The following HS6ST3 variants were observed in gnomAD, a reference collection of about 807,000 sequenced individuals.
HS6ST3 encodes heparan-sulfate 6-O-sulfotransferase 3.
In HS6ST3, 12 loss-of-function variants were observed where a neutral mutation model predicts 36.7. The observed-to-expected ratio is 0.33, with a 90% CI of 0.21 to 0.53. The LOEUF is 0.53. HS6ST3 is among the 20% of genes least tolerant of loss of function. HS6ST3 has a pLI of 0.95. For synonymous variants in HS6ST3, 240 were observed against 257.5 expected, an observed-to-expected ratio of 0.93 and a Z score of 0.65; for missense variants, 584 against 640.9, an observed-to-expected ratio of 0.91 and a Z score of 0.96.
intron 1 of HS6ST3, among the ~76,000 whole-genome samples, chr13:96,494,412 G>C (rs1405576382): frequency 1.6e-5 from 2 of 123,062 alleles, no homozygotes; most frequent in African/African-American, 3.0e-5. Flanking sequence ...GGAGGGGGGA[G>C]GGATAGCATT....
intron 1 of HS6ST3, among the ~76,000 whole-genome samples, chr13:96,715,251 T>C (rs531280194): frequency 2.6e-4 from 39 of 152,186 alleles, no homozygotes; most frequent in African/African-American, 8.9e-4. Context: ...ATTTTATGGA[T>C]TTATGCCTAT....
In HS6ST3 at chr13:96,111,734, A is replaced by G. The variant is rs183951044; in HGVS notation, c.707+20165A>G. 9.1e-4 allele frequency among the ~76,000 whole-genome samples: 139 copies of G among 152,334 alleles called. 1 individual carries two copies. Among genetic ancestry groups the G allele is most frequent in the Middle Eastern group, 3.4e-3 (1 of 294 alleles). ...TCAGCAATAAGCAACTAGACAATAT[A>G]ATGAAAATATCTCATTCACTGTAGT... On this transcript the variant is annotated intron_variant, in intron 1 of 1. Transcript: ENST00000376705.
chr13:96,700,801 T>C (rs1410368789), intron 1 of HS6ST3, among the ~76,000 whole-genome samples: 1 of 152,178 alleles, frequency 6.6e-6, no homozygotes, highest in Non-Finnish European at 1.5e-5. Context: ...GCAAAATTGT[T>C]TCCTTCTGGC....
At chr13:96,416,425 C>T (rs987403437) in intron 1 of HS6ST3, among the ~76,000 whole-genome samples, 2 of 152,132 alleles carry the variant, frequency 1.3e-5, no homozygotes, top group Non-Finnish European at 2.9e-5. Flanking sequence ...TTTGCAATCA[C>T]TAAGCATAGG....
At position 96,680,503 on chromosome 13, in the gene HS6ST3, A is replaced by G. The variant is rs113597871; in HGVS notation, c.708-151987A>G. Among the ~76,000 whole-genome samples the G allele has an allele frequency of 4.9e-4, 75 of 152,250 alleles. 1 individual carries two copies. Among genetic ancestry groups the G allele is most frequent in the African/African-American group, 1.6e-3 (67 of 41,570 alleles). On this transcript the variant is annotated intron_variant, in intron 1 of 1. Transcript: ENST00000376705. ...CTGGAGGACCCTTTAGTGCACTCCA[A>G]TCGGGGGTTAGAGGGAAGAGGACAC...
intron 1 of HS6ST3, among the ~76,000 whole-genome samples, chr13:96,730,052 A>G (rs1876108777): frequency 6.6e-6 from 1 of 152,176 alleles, no homozygotes; most frequent in Non-Finnish European, 1.5e-5. Flanking sequence ...TCTTTTCTGT[A>G]TGCATAACCT....
At chr13:96,146,350 T>C (rs986009656) in intron 1 of HS6ST3, among the ~76,000 whole-genome samples, 2 of 152,084 alleles carry the variant, frequency 1.3e-5, no homozygotes, top group Admixed American at 6.5e-5. Flanking sequence ...GTTTGTAGTT[T>C]TCCTTGAAGA....
intron 1 of HS6ST3, among the ~76,000 whole-genome samples, chr13:96,603,912 T>C (rs1362733439): frequency 1.3e-5 from 2 of 152,216 alleles, no homozygotes; most frequent in Non-Finnish European, 2.9e-5. Flanking sequence ...GGCAAGGATC[T>C]ACTGAGGCTA....
intron 1 of HS6ST3, among the ~76,000 whole-genome samples, chr13:96,292,141 C>T (rs2054832860): frequency 6.6e-6 from 1 of 151,440 alleles, no homozygotes; most frequent in South Asian, 2.1e-4. Flanking sequence ...GAATGGTGTT[C>T]TATGTGAGTG....
At chr13:96,588,295 C>T (rs906273244) in intron 1 of HS6ST3, among the ~76,000 whole-genome samples, 2 of 151,654 alleles carry the variant, frequency 1.3e-5, no homozygotes, top group African/African-American at 2.4e-5. Flanking sequence ...GAGTGAGCAT[C>T]CTTGTCTTGC....
At chr13:96,101,190 G>A (rs1202726225) in intron 1 of HS6ST3, among the ~76,000 whole-genome samples, 1 of 152,126 alleles carries the variant, frequency 6.6e-6, no homozygotes, top group African/African-American at 2.4e-5. Context: ...TTGAAGTTAT[G>A]TAACAATATT....
chr13:96,318,532 CAAAAA>C (rs1555297729), intron 1 of HS6ST3, among the ~76,000 whole-genome samples: 1 of 89,030 alleles, frequency 1.1e-5, no homozygotes, highest in Admixed American at 1.2e-4. Flanking sequence ...GACTCCTTCT[CAAAAA>C]AACAAAACAA....
chr13:96,809,204 T>A (rs192766653), intron 1 of HS6ST3, among the ~76,000 whole-genome samples: 25 of 152,296 alleles, frequency 1.6e-4, no homozygotes, highest in Middle Eastern at 3.4e-3. Context: ...TTCTTTTTTT[T>A]AAAAGTGAAG....
chr13:96,792,438 T>C (rs945422572), intron 1 of HS6ST3, among the ~76,000 whole-genome samples: 1 of 151,944 alleles, frequency 6.6e-6, no homozygotes, highest in Non-Finnish European at 1.5e-5. Flanking sequence ...CACCATAGTC[T>C]TCAACTTCTC....
At chr13:96,133,391 G>A (rs1337733721) in intron 1 of HS6ST3, among the ~76,000 whole-genome samples, 1 of 151,950 alleles carries the variant, frequency 6.6e-6, no homozygotes, top group Non-Finnish European at 1.5e-5. Flanking sequence ...CTCCCAAAGT[G>A]CTGGAATTAC....
intron 1 of HS6ST3, among the ~76,000 whole-genome samples, chr13:96,470,761 G>A (rs1485836453): frequency 6.6e-6 from 1 of 152,020 alleles, no homozygotes; most frequent in African/African-American, 2.4e-5. Flanking sequence ...TTGCTCAGTT[G>A]CGAGGCCATT....
intron 1 of HS6ST3, among the ~76,000 whole-genome samples, chr13:96,240,828 T>C (rs1311056721): frequency 1.3e-5 from 2 of 152,256 alleles, no homozygotes; most frequent in Non-Finnish European, 2.9e-5. Context: ...AGTGTGGTTA[T>C]GCATTCCAGG....
intron 1 of HS6ST3, among the ~76,000 whole-genome samples, chr13:96,378,011 G>A (rs994713575): frequency 5.9e-5 from 9 of 152,118 alleles, no homozygotes; most frequent in Non-Finnish European, 1.0e-4. Context: ...ATCGAGTGAC[G>A]TCATTTATAA....
chr13:96,106,358 G>GCTCT (rs147780978), intron 1 of HS6ST3, among the ~76,000 whole-genome samples: 1 of 150,044 alleles, frequency 6.7e-6, no homozygotes. Context: ...TCTGTCTCTT[G>GCTCT]CTCTCTCTCT....
Sources: allele counts gnomAD v4.1 joint callset (sites outside exome capture counted in the v4.1 genomes callset), GRCh38; gene constraint gnomAD v4.1.1; transcripts MANE v1.5; gene names NCBI Gene and HGNC (gene_info 2026-07-23, HGNC 2026-07-21).